SH3GL2: variants seen among roughly 807,000 people sequenced by gnomAD.
SH3GL2 encodes the protein SH3 domain containing GRB2 like 2, endophilin A1.
A neutral mutation model predicts 46.0 loss-of-function variants in SH3GL2; 24 were observed. That is an observed-to-expected ratio of 0.52 (90% CI 0.38 to 0.73). The LOEUF (loss-of-function observed/expected upper bound fraction) is 0.73, where lower values mean the gene tolerates loss of function less well. Among genes scored for constraint, SH3GL2 ranks in the 30% least tolerant of loss-of-function variants. The pLI, the probability that SH3GL2 is intolerant of heterozygous loss-of-function variation, is 0.00. For missense variants in SH3GL2, 413 were observed against 424.2 expected (o/e 0.97, Z 0.23); for synonymous variants, 196 against 147.1 (o/e 1.33, Z -2.40).
At chr9:17,651,525 G>C (rs561962638) in intron 1 of SH3GL2, among the ~76,000 whole-genome samples, 22 of 152,188 alleles carry the variant, frequency 1.4e-4, no homozygotes, top group African/African-American at 5.1e-4. Flanking sequence ...TCTTCACTTT[G>C]TGTATATTGG....
intron 1 of SH3GL2, among the ~76,000 whole-genome samples, chr9:17,647,981 C>G (rs140481697): frequency 3.3e-5 from 5 of 152,160 alleles, no homozygotes; most frequent in Middle Eastern, 3.2e-3. Context: ...TGTGATGATG[C>G]ACTTCTATTT....
intron 1 of SH3GL2, among the ~76,000 whole-genome samples, chr9:17,697,574 G>A (rs1288403683): frequency 1.3e-5 from 2 of 152,206 alleles, no homozygotes; most frequent in East Asian, 1.9e-4. Context: ...TCCCACTCAT[G>A]TGTTCAAAAT....
chr9:17,776,057 C>T (rs928643657), intron 3 of SH3GL2, among the ~76,000 whole-genome samples: 2 of 152,250 alleles, frequency 1.3e-5, no homozygotes, highest in African/African-American at 4.8e-5. Flanking sequence ...CCATCATAAT[C>T]ATCTAGGGTG....
rs116404964 is a variant in SH3GL2, at chr9:17,771,863, C to T, written c.187+10354C>T. On this transcript the variant is annotated intron_variant, in intron 3 of 8. Coordinates refer to ENST00000380607, the MANE Select transcript of SH3GL2 (RefSeq NM_003026.5). ...ACCATTATTTGGGTTGAGAGTAGCA[C>T]GATCCAGTGCTAGGGTTGTCTATTT... Among the ~76,000 whole-genome samples, 1,369 of 151,836 alleles carry T rather than the reference C, an allele frequency of 9.0e-3. 20 individuals are homozygous for T. The highest frequency in any genetic ancestry group is 0.031 in the African/African-American group (1,279 of 41,386).
intron 6 of SH3GL2, 189 bp downstream of exon 6, chr9:17,789,739 A>G (rs542370440): frequency 7.4e-7 from 1 of 1,359,538 alleles, no homozygotes; most frequent in Non-Finnish European, 9.5e-7. Context: ...TTTCTTCTGC[A>G]TTCCTGTAGT....
intron 1 of SH3GL2, among the ~76,000 whole-genome samples, chr9:17,728,182 T>G: frequency 6.6e-6 from 1 of 152,188 alleles, no homozygotes; most frequent in South Asian, 2.1e-4. Flanking sequence ...TGACTTTTCA[T>G]TCTTTAGGAA....
intron 1 of SH3GL2, among the ~76,000 whole-genome samples, chr9:17,720,439 A>C (rs927891768): frequency 2.0e-5 from 3 of 152,120 alleles, no homozygotes; most frequent in Non-Finnish European, 4.4e-5. Flanking sequence ...ATGAACAGAA[A>C]AGGGAAAGTG....
chr9:17,684,074 A>C (rs759093723), intron 1 of SH3GL2, among the ~76,000 whole-genome samples: 2 of 152,142 alleles, frequency 1.3e-5, no homozygotes, highest in African/African-American at 2.4e-5. Flanking sequence ...AGGTAAAACA[A>C]CACACATAAA....
At chr9:17,794,915 C>T (rs1044935459) in intron 8 of SH3GL2, among the ~76,000 whole-genome samples, 4 of 152,212 alleles carry the variant, frequency 2.6e-5, no homozygotes, top group African/African-American at 9.7e-5. Context: ...ACTGTTACAT[C>T]CAATTTCAGA....
At position 17,796,174 on chromosome 9, in the gene SH3GL2, A is replaced by C; in HGVS notation, c.*431A>C. The C allele has an allele frequency of 6.4e-6, 1 of 157,430 alleles. No homozygotes were observed. The highest frequency in any genetic ancestry group is 1.4e-5 in the Non-Finnish European group (1 of 71,060). 9.8% of individuals were successfully genotyped at this position (157,430 alleles called of 1,614,324 possible). ...GCTTTCACACTGTCCCTTCCCAAATATGTGAGTCATGGAATTGTCAAAGTA... is the reference window on the plus strand; with the variant it reads ...GCTTTCACACTGTCCCTTCCCAAATCTGTGAGTCATGGAATTGTCAAAGTA... On this transcript the variant is annotated 3_prime_UTR_variant, in exon 9 of 9. Coordinates refer to ENST00000380607, the MANE Select transcript of SH3GL2 (RefSeq NM_003026.5).
At chr9:17,751,036 A>G (rs1397800533) in intron 2 of SH3GL2, among the ~76,000 whole-genome samples, 2 of 152,172 alleles carry the variant, frequency 1.3e-5, no homozygotes, top group African/African-American at 4.8e-5. Flanking sequence ...TTATGTGGTT[A>G]ATTCAGAATT....
In SH3GL2 at chr9:17,579,123, A is replaced by C. The variant is rs1024531888; in HGVS notation, c.-120A>C. On this transcript the variant is annotated 5_prime_UTR_variant, in exon 1 of 9. Coordinates refer to ENST00000380607, the MANE Select transcript of SH3GL2 (RefSeq NM_003026.5). The stretch of plus-strand genomic sequence containing the variant: ...CGCTAGGCTCCGCGCCCTCGCGCCC[A>C]TAGCCCCGGCGGCGGCACGACCAGA... 5.0e-6 allele frequency: 3 copies of C among 601,756 alleles called. No individual in the cohort carries two copies. The highest frequency in any genetic ancestry group is 2.6e-5 in the South Asian group (1 of 38,448). 37.3% of individuals were successfully genotyped at this position (601,756 alleles called of 1,614,324 possible).
chr9:17,762,989 GTTGTAC>G (rs1823221759), intron 3 of SH3GL2, among the ~76,000 whole-genome samples: 1 of 152,146 alleles, frequency 6.6e-6, no homozygotes, highest in Non-Finnish European at 1.5e-5. Context: ...ATTTTCACGA[GTTGTAC>G]TTGTAACTCA....
chr9:17,618,433 C>T (rs1326529291), intron 1 of SH3GL2, among the ~76,000 whole-genome samples: 1 of 152,138 alleles, frequency 6.6e-6, no homozygotes, highest in Non-Finnish European at 1.5e-5. Context: ...GACTGAGGTG[C>T]CACCATGGTG....
intron 1 of SH3GL2, among the ~76,000 whole-genome samples, chr9:17,579,534 G>T (rs947608458): frequency 3.9e-5 from 6 of 152,106 alleles, no homozygotes; most frequent in African/African-American, 7.2e-5. Flanking sequence ...CTGCCTGGTA[G>T]CGCTGCTCGC....
chr9:17,636,036 A>G (rs1819535137), intron 1 of SH3GL2, among the ~76,000 whole-genome samples: 2 of 152,204 alleles, frequency 1.3e-5, no homozygotes, highest in Admixed American at 6.5e-5. Context: ...TTCTAGGCAC[A>G]AAGTTTGATT....
chr9:17,698,580 T>A (rs1821265728), intron 1 of SH3GL2, among the ~76,000 whole-genome samples: 1 of 152,134 alleles, frequency 6.6e-6, no homozygotes, highest in Admixed American at 6.6e-5. Context: ...TAAAATTCCA[T>A]GAGCTGAAGT....
intron 1 of SH3GL2, among the ~76,000 whole-genome samples, chr9:17,656,326 A>G (rs769301533): frequency 6.6e-6 from 1 of 152,114 alleles, no homozygotes; most frequent in Non-Finnish European, 1.5e-5. Flanking sequence ...AGATTAACCA[A>G]CTAATGTATC....
intron 2 of SH3GL2, among the ~76,000 whole-genome samples, chr9:17,748,717 C>G (rs1313406127): frequency 3.3e-5 from 5 of 151,998 alleles, no homozygotes; most frequent in African/African-American, 1.2e-4. Flanking sequence ...AGTTCGTAGT[C>G]TAGTGGGGAG....
Sources: allele counts gnomAD v4.1 joint callset (sites outside exome capture counted in the v4.1 genomes callset), GRCh38; gene constraint gnomAD v4.1.1; transcripts MANE v1.5; gene names NCBI Gene and HGNC (gene_info 2026-07-23, HGNC 2026-07-21).